The following EPM2A variants were observed in gnomAD, a reference collection of about 807,000 sequenced individuals.
The protein encoded by EPM2A is EPM2A glucan phosphatase, laforin, also known as laforin.
A neutral mutation model predicts 26.5 loss-of-function variants in EPM2A; 21 were observed. The observed-to-expected ratio is 0.79, with a 90% CI of 0.56 to 1.14. The LOEUF is 1.14. Ranked by LOEUF, EPM2A falls within the 50% of genes most tolerant of loss-of-function variation. The pLI is 0.00. For missense variants in EPM2A, 458 were observed against 440.8 expected, an observed-to-expected ratio of 1.04 and a Z score of -0.35; for synonymous variants, 217 against 177.6, an observed-to-expected ratio of 1.22 and a Z score of -1.76.
At chr6:145,512,697 C>CA (rs1780071595) in intron 2 of EPM2A, among the ~76,000 whole-genome samples, 1 of 111,910 alleles carries the variant, frequency 8.9e-6, no homozygotes. Flanking sequence ...GGCAACAGAG[C>CA]GAGACTCCAT....
intron 2 of EPM2A, among the ~76,000 whole-genome samples, chr6:145,618,392 T>C (rs1160522484): frequency 6.6e-6 from 1 of 152,204 alleles, no homozygotes; most frequent in East Asian, 1.9e-4. Flanking sequence ...GTACAAATCG[T>C]AAAGACCCTC....
At chr6:145,705,673 C>T in intron 1 of EPM2A, 1 of 416,744 alleles carries the variant, frequency 2.4e-6, no homozygotes. Flanking sequence ...ACCATCAAGG[C>T]AATCCCTATT....
chr6:145,597,627 A>G (rs1781365537), intron 2 of EPM2A, among the ~76,000 whole-genome samples: 1 of 152,050 alleles, frequency 6.6e-6, no homozygotes, highest in Non-Finnish European at 1.5e-5. Flanking sequence ...GGTTTGTTAC[A>G]TAGATAAACA....
At chr6:145,449,277 C>A (rs1018419396) in intron 4 of EPM2A, among the ~76,000 whole-genome samples, 2 of 152,132 alleles carry the variant, frequency 1.3e-5, no homozygotes, top group Non-Finnish European at 2.9e-5. Flanking sequence ...GGAATGACAG[C>A]ACCAAAGAAA....
At chr6:145,571,452 T>C (rs1474956999) in intron 2 of EPM2A, among the ~76,000 whole-genome samples, 1 of 152,176 alleles carries the variant, frequency 6.6e-6, no homozygotes, top group Non-Finnish European at 1.5e-5. Flanking sequence ...ACCATGATGG[T>C]GGATAAGGCA....
chr6:145,707,579 T>G (rs546677091), intron 1 of EPM2A, among the ~76,000 whole-genome samples: 1 of 152,240 alleles, frequency 6.6e-6, no homozygotes, highest in East Asian at 1.9e-4. Flanking sequence ...TCTCATGAGA[T>G]CTGATGGTTT....
intron 4 of EPM2A, among the ~76,000 whole-genome samples, chr6:145,436,997 A>G (rs1350862730): frequency 6.6e-6 from 1 of 152,138 alleles, no homozygotes; most frequent in Non-Finnish European, 1.5e-5. Flanking sequence ...AGACATATTT[A>G]AAATAGCTTT....
chr6:145,457,486 A>C (rs1337861027), intron 4 of EPM2A, among the ~76,000 whole-genome samples: 1 of 151,410 alleles, frequency 6.6e-6, no homozygotes, highest in Non-Finnish European at 1.5e-5. Context: ...TGTCTCAAAA[A>C]AAAAAAAAAA....
intron 4 of EPM2A, among the ~76,000 whole-genome samples, chr6:145,455,761 TTG>T (rs1438519861): frequency 2.6e-5 from 4 of 152,256 alleles, no homozygotes; most frequent in Non-Finnish European, 5.9e-5. Flanking sequence ...AGATAGTCAT[TTG>T]TTTCATATTC....
intron 4 of EPM2A, among the ~76,000 whole-genome samples, chr6:145,450,724 C>T (rs1779186050): frequency 1.3e-5 from 2 of 152,156 alleles, no homozygotes; most frequent in African/African-American, 4.8e-5. Flanking sequence ...CATCATCTCC[C>T]TACCCTGGGT....
At chr6:145,442,568 A>G (rs1779078816) in intron 4 of EPM2A, among the ~76,000 whole-genome samples, 1 of 152,300 alleles carries the variant, frequency 6.6e-6, no homozygotes, top group African/African-American at 2.4e-5. Context: ...AACTGTCCCC[A>G]TGATTCAATT....
intron 2 of EPM2A, among the ~76,000 whole-genome samples, chr6:145,607,079 C>G (rs1184837701): frequency 6.6e-6 from 1 of 152,142 alleles, no homozygotes; most frequent in Non-Finnish European, 1.5e-5. Context: ...CATGTTCACC[C>G]TATAAAAGCC....
rs143692593 is a variant in EPM2A at position 145,589,515 on chromosome 6, T to A, written c.340+45730A>T. 1.3e-4 allele frequency among the ~76,000 whole-genome samples: 20 copies of A among 152,236 alleles called. No individual in the cohort carries two copies. The East Asian group carries it at 3.9e-3, about 29-fold the overall frequency. The stretch of plus-strand genomic sequence containing the variant: ...CAGTGTGTCACTGTCATCTTTCCAA[T>A]GCCTCTGTAAATCTTAAGTAGAGAC... On this transcript the variant is annotated intron_variant, in intron 2 of 3. Coordinates refer to the EPM2A transcript ENST00000450221.
chr6:145,477,850 C>A (rs1219801208), intron 4 of EPM2A, among the ~76,000 whole-genome samples: 2 of 151,766 alleles, frequency 1.3e-5, no homozygotes, highest in Non-Finnish European at 3.0e-5. Flanking sequence ...AACTAAAAGC[C>A]TTTCCTTTAA....
At chr6:145,606,867 A>C (rs1775274201) in intron 2 of EPM2A, among the ~76,000 whole-genome samples, 1 of 152,244 alleles carries the variant, frequency 6.6e-6, no homozygotes, top group African/African-American at 2.4e-5. Context: ...AAGTAACCTT[A>C]GTCTTGCTTG....
chr6:145,583,053 G>A (rs550324238), intron 2 of EPM2A, among the ~76,000 whole-genome samples: 19 of 152,060 alleles, frequency 1.2e-4, no homozygotes, highest in African/African-American at 4.6e-4. Flanking sequence ...TTCATTTCCC[G>A]TCTTGTTTTA....
chr6:145,705,606 G>C, intron 1 of EPM2A: 1 of 455,708 alleles, frequency 2.2e-6, no homozygotes, highest in Non-Finnish European at 4.4e-6. Context: ...TCCCATGTTA[G>C]AGTTCATTAT....
intron 2 of EPM2A, among the ~76,000 whole-genome samples, chr6:145,594,991 T>C (rs1185864901): frequency 1.3e-5 from 2 of 151,898 alleles, no homozygotes; most frequent in Non-Finnish European, 2.9e-5. Context: ...TAACTTTTAG[T>C]AGTTAAAAAT....
chr6:145,627,716 C>T (rs1775932625), intron 3 of EPM2A, 23 bp from the exon 4 acceptor site: 1 of 1,612,744 alleles, frequency 6.2e-7, no homozygotes, highest in Non-Finnish European at 8.5e-7. Flanking sequence ...AAGCACAGCA[C>T]ACATGTGAAT....
Sources: allele counts gnomAD v4.1 joint callset (sites outside exome capture counted in the v4.1 genomes callset), GRCh38; gene constraint gnomAD v4.1.1; transcripts MANE v1.5; gene names NCBI Gene and HGNC (gene_info 2026-07-23, HGNC 2026-07-21).